The following DNAH10 variants were observed in gnomAD, a reference collection of about 807,000 sequenced individuals.
DNAH10 encodes the protein dynein axonemal heavy chain 10.
In DNAH10, 348 loss-of-function variants were observed where a neutral mutation model predicts 506.6. The ratio of observed to expected loss-of-function variants is 0.69; its 90% CI spans 0.63 to 0.75. The LOEUF (loss-of-function observed/expected upper bound fraction) is 0.75. Ranked by LOEUF, DNAH10 falls within the 30% of genes least tolerant of loss-of-function variation. DNAH10 has a pLI of 0.00. For missense variants in DNAH10, 5,179 were observed against 5,787.1 expected, an observed-to-expected ratio of 0.89 and a Z score of 3.41; for synonymous variants, 2,059 against 2,198.6, an observed-to-expected ratio of 0.94 and a Z score of 1.78.
intron 24 of DNAH10, among the ~76,000 whole-genome samples, chr12:123,822,667 A>G (rs530550389): frequency 1.3e-5 from 2 of 152,280 alleles, no homozygotes; most frequent in Admixed American, 1.3e-4. Context: ...GTGATGAGGA[A>G]TTGGCTCCTG....
intron 11 of DNAH10, among the ~76,000 whole-genome samples, chr12:123,790,392 T>G (rs1174474524): frequency 6.6e-6 from 1 of 152,224 alleles, no homozygotes. Context: ...TTGTCCAATA[T>G]AAGTTCACCT....
chr12:123,915,906 G>T (rs1342259324), intron 62 of DNAH10, among the ~76,000 whole-genome samples: 1 of 152,206 alleles, frequency 6.6e-6, no homozygotes, highest in African/African-American at 2.4e-5. Flanking sequence ...TGCCGGGGCG[G>T]CCCAATCACT....
chr12:123,897,898 C>A lies in DNAH10; in HGVS notation c.9409C>A (p.Pro3137Thr), dbSNP rs556286854. 176 of 1,611,106 alleles carry A rather than the reference C, an allele frequency of 1.1e-4. 4 individuals are homozygous for A. In the South Asian group the frequency reaches 1.8e-3, roughly 17 times the overall value. Residue 3137 changes from proline to threonine, a missense_variant, in exon 55 of 79, where the codon CCC becomes ACC. Physicochemically the swap from Pro to Thr is conservative, Grantham distance 38 (BLOSUM62 -1). Transcript: ENST00000673944. ...QKLRRSNYVT[P>T]KNYLDFINTY... ...ATTGAGGCGCAGCAACTATGTCACT[C>A]CCAAGAACTACCTTGATTTTATTAA...
intron 26 of DNAH10, among the ~76,000 whole-genome samples, chr12:123,832,632 C>T (rs760199451): frequency 2.0e-5 from 3 of 152,024 alleles, no homozygotes; most frequent in Non-Finnish European, 2.9e-5. Context: ...CATGAGCCAC[C>T]GCACCCGGCC....
chr12:123,932,255 C>G (rs1955249703), intron 76 of DNAH10, 147 bp downstream of exon 76: 1 of 986,566 alleles, frequency 1.0e-6, no homozygotes, highest in Non-Finnish European at 1.5e-6. Flanking sequence ...GAGATTCTTA[C>G]AAGCCTATCT....
At chr12:123,904,074 G>A (rs894791351) in intron 57 of DNAH10, among the ~76,000 whole-genome samples, 2 of 152,310 alleles carry the variant, frequency 1.3e-5, no homozygotes, top group Middle Eastern at 3.4e-3. Flanking sequence ...GTCCAAGTCC[G>A]TGCCCTTGTT....
intron 56 of DNAH10, among the ~76,000 whole-genome samples, chr12:123,899,393 C>T (rs2137255066): frequency 6.6e-6 from 1 of 152,282 alleles, no homozygotes; most frequent in East Asian, 1.9e-4. Flanking sequence ...GATGTGTACC[C>T]TCCCCAGCTT....
chr12:123,918,745 C>T lies in DNAH10; in HGVS notation c.11302C>T (p.Pro3768Ser). 1 of 1,605,754 alleles carries T rather than the reference C, an allele frequency of 6.2e-7. No homozygotes were observed. Among genetic ancestry groups the T allele is most frequent in the Non-Finnish European group, 8.5e-7 (1 of 1,173,768 alleles). The change falls in exon 65 of 79, where the codon CCA becomes TCA. Residue 3768 changes from proline (P) to serine (S), a missense_variant. Pro to Ser is a moderately conservative substitution (Grantham distance 74, BLOSUM62 -1). Coordinates refer to ENST00000673944, the MANE Select transcript of DNAH10 (RefSeq NM_001372106.1). ...CGACAGGCTGCGGGATGGCTACCGG[C>T]CAGCAGCCAGGAGGGGGGCCATCCT... ...DIDRLRDGYR[P>S]AARRGAILFF...
intron 24 of DNAH10, among the ~76,000 whole-genome samples, chr12:123,826,187 C>T (rs185046263): frequency 6.6e-6 from 1 of 152,244 alleles, no homozygotes; most frequent in African/African-American, 2.4e-5. Context: ...AAAATCTTCT[C>T]TTTACAATCA....
chr12:123,907,479 T>C lies in DNAH10; in HGVS notation c.9816-1782T>C, dbSNP rs1469928784. On this transcript the variant is annotated intron_variant, in intron 57 of 78. Transcript: ENST00000673944. This position sits in a 1 kb window ranked among gnomAD's most constrained non-coding sequence, Gnocchi z 4.4. ...CTCCACATTTCACACACCTTGGTCA[T>C]CCGGCATTGTGGAAAGTGGTATGTT... is the stretch of plus-strand genomic sequence containing the variant. Among the ~76,000 whole-genome samples the C allele has an allele frequency of 6.6e-6, 1 of 152,184 alleles. No individual in the cohort carries two copies. Among genetic ancestry groups the C allele is most frequent in the East Asian group, 1.9e-4 (1 of 5,194 alleles).
intron 36 of DNAH10, among the ~76,000 whole-genome samples, chr12:123,856,670 A>T (rs1315559817): frequency 6.7e-6 from 1 of 149,110 alleles, no homozygotes; most frequent in African/African-American, 2.4e-5. Context: ...TACATATTAT[A>T]TGAAATATAT....
At position 123,928,623 on chromosome 12, in the gene DNAH10, G is replaced by T; in HGVS notation, c.12306+36G>T. ...AGGATGGACATCAACATGCCAGCACGCAGCTTCTCAGAACACCTGCATGCT... is the reference window on the plus strand; with the variant it reads ...AGGATGGACATCAACATGCCAGCACTCAGCTTCTCAGAACACCTGCATGCT... On this transcript the variant is annotated intron_variant, in intron 70 of 78. Transcript: ENST00000673944. The surrounding 1 kb of genome is among the most constrained non-coding windows in gnomAD (Gnocchi z 4.9). 1 of 1,556,678 alleles carries T rather than the reference G, an allele frequency of 6.4e-7. No homozygotes were observed. The highest frequency in any genetic ancestry group is 8.7e-7 in the Non-Finnish European group (1 of 1,150,418).
chr12:123,912,674 A>G (rs916129295), intron 59 of DNAH10, among the ~76,000 whole-genome samples: 1 of 152,192 alleles, frequency 6.6e-6, no homozygotes, highest in Non-Finnish European at 1.5e-5. Context: ...TCACATGAAG[A>G]TCACAAAATA....
intron 38 of DNAH10, 135 bp from the exon 39 acceptor site, chr12:123,860,877 T>A: frequency 1.8e-6 from 2 of 1,105,818 alleles, no homozygotes; most frequent in Non-Finnish European, 1.3e-6. Context: ...GGAAGCCCAG[T>A]GAAGAGTTTG....
At chr12:123,769,922 GTT>G (rs373397275) in intron 2 of DNAH10, among the ~76,000 whole-genome samples, 3 of 139,998 alleles carry the variant, frequency 2.1e-5, no homozygotes, top group African/African-American at 5.4e-5. Flanking sequence ...CCTGGCTAAG[GTT>G]TTTTTTTTTT....
At chr12:123,875,086 C>G (rs914221073) in intron 46 of DNAH10, 145 bp from the exon 47 acceptor site, 2 of 899,084 alleles carry the variant, frequency 2.2e-6, no homozygotes, top group African/African-American at 3.4e-5. Context: ...CAGTTGCAAC[C>G]TTTGAGAAGC....
At chr12:123,783,905 C>G in intron 7 of DNAH10, 42 bp from the exon 8 acceptor site, 1 of 1,559,920 alleles carries the variant, frequency 6.4e-7, no homozygotes, top group East Asian at 2.2e-5. Context: ...TCTGCTCCAC[C>G]CTAATAATGA....
chr12:123,814,380 A>C (rs1388057892), intron 21 of DNAH10: 1 of 152,868 alleles, frequency 6.5e-6, no homozygotes, highest in East Asian at 1.9e-4. Context: ...GAAATTTTAC[A>C]TACTGTACAT....
In DNAH10 at chr12:123,917,339, G is replaced by A. The variant is rs1259478484; in HGVS notation, c.11003-245G>A. Among the ~76,000 whole-genome samples, 2 of 152,164 alleles carry A rather than the reference G, an allele frequency of 1.3e-5. No individual in the cohort carries two copies. The highest frequency in any genetic ancestry group is 2.9e-5 in the Non-Finnish European group (2 of 68,028). On this transcript the variant is annotated intron_variant, in intron 63 of 78. Coordinates refer to ENST00000673944, the MANE Select transcript of DNAH10 (RefSeq NM_001372106.1). The surrounding 1 kb of genome is among the most constrained non-coding windows in gnomAD (Gnocchi z 5.6). ...ACTTTAAACTATGGCACCCCAGTCC[G>A]TGGAAGCCTGGGTTTTATTTCAGTG...
Sources: allele counts gnomAD v4.1 joint callset (sites outside exome capture counted in the v4.1 genomes callset), GRCh38; gene constraint gnomAD v4.1.1; non-coding constraint Gnocchi (gnomAD v3.1); transcripts MANE v1.5; gene names NCBI Gene and HGNC (gene_info 2026-07-23, HGNC 2026-07-21).